The following NLRP4 variants were observed in gnomAD, a reference collection of about 807,000 sequenced individuals.
NLRP4 encodes NACHT, LRR and PYD domains-containing protein 4.
A neutral mutation model predicts 84.7 loss-of-function variants in NLRP4; 44 were observed. The observed-to-expected ratio is 0.52, with a 90% CI of 0.41 to 0.67. The LOEUF is 0.67. NLRP4 is among the 30% of genes least tolerant of loss of function. The pLI is 0.00. For synonymous variants in NLRP4, 544 were observed against 476.4 expected (o/e 1.14, Z -1.85); for missense variants, 1,260 against 1,219.4 (o/e 1.03, Z -0.50).
chr19:55,873,033 T>C (rs1000109631), intron 7 of NLRP4, among the ~76,000 whole-genome samples: 3 of 152,144 alleles, frequency 2.0e-5, no homozygotes, highest in Admixed American at 6.6e-5. Flanking sequence ...GAGGGTGGAT[T>C]GTCAACCTAG....
Position 55,878,796 on chromosome 19 carries a change from T to A in NLRP4, c.2699T>A (p.Leu900Ter). 1 of 1,610,592 alleles carries A rather than the reference T, an allele frequency of 6.2e-7. No homozygotes were observed. The highest frequency in any genetic ancestry group is 8.5e-7 in the Non-Finnish European group (1 of 1,177,668). The change falls in exon 9 of 10, where the codon TTG becomes TAG. Residue 900 changes from leucine (L) to a stop codon, truncating the protein, a stop_gained and splice_region_variant. Transcript: ENST00000301295. LOFTEE classifies it high-confidence loss of function. The stretch of plus-strand genomic sequence containing the variant: ...TACCATGTGTCTTTTTATTGCAGGT[T>A]GGAAGAATGTGGGTTAACGAGCACC... ...HTDCRLEILGLEECGLTSTCC... is the reference protein window; with the variant it reads ...HTDCRLEILG
chr19:55,876,286 G>A (rs933776607), intron 7 of NLRP4, among the ~76,000 whole-genome samples: 1 of 152,124 alleles, frequency 6.6e-6, no homozygotes, highest in South Asian at 2.1e-4. Flanking sequence ...TCCATAGGAG[G>A]TTGGCTACAG....
intron 1 of NLRP4, among the ~76,000 whole-genome samples, chr19:55,848,467 G>A (rs1292909475): frequency 6.6e-6 from 1 of 151,900 alleles, no homozygotes; most frequent in East Asian, 1.9e-4. Flanking sequence ...GCAGTGGCAC[G>A]ATCTCGGCTC....
Position 55,858,968 on chromosome 19 carries a change from A to G in NLRP4, c.1575A>G (p.Gln525=). 6.2e-7 allele frequency: 1 copy of G among 1,614,220 alleles called. No individual in the cohort carries two copies. Among genetic ancestry groups the G allele is most frequent in the East Asian group, 2.2e-5 (1 of 44,880 alleles). Residue 525 remains glutamine (Q), a synonymous_variant, in exon 3 of 10, where the codon CAA becomes CAG. Coordinates refer to ENST00000301295, the MANE Select transcript of NLRP4 (RefSeq NM_134444.5). The surrounding 1 kb of genome is among the most constrained non-coding windows in gnomAD (Gnocchi z 4.2). ...LDAFFGFQLS[Q]EIKQQIHQCL... ...CGTTTTTTGGCTTCCAACTGTCCCA[A>G]GAGATAAAGCAGCAAATTCACCAGT...
intron 9 of NLRP4, 99 bp downstream of exon 9, chr19:55,879,063 A>G (rs1165946320): frequency 1.3e-5 from 12 of 917,824 alleles, no homozygotes; most frequent in Non-Finnish European, 1.8e-5. Context: ...TAAAATGCAA[A>G]TGATGTTCCT....
At position 55,851,472 on chromosome 19, in the gene NLRP4, A is replaced by T. The variant is rs370758836; in HGVS notation, c.-65-544A>T. 1.3e-3 allele frequency among the ~76,000 whole-genome samples: 28 copies of T among 22,162 alleles called. 1 individual carries two copies. Among genetic ancestry groups the T allele is most frequent in the African/African-American group, 4.7e-3 (4 of 848 alleles). 14.5% of individuals were successfully genotyped at this position (22,162 alleles called of 152,430 possible). ...GTCCGTGGCTGCGGTGTAATGTCCG[A>T]GGCTGCGGTGTAATGTCCGTGGCTG... is the stretch of plus-strand genomic sequence containing the variant. On this transcript the variant is annotated intron_variant, in intron 1 of 9. Coordinates refer to ENST00000301295, the MANE Select transcript of NLRP4 (RefSeq NM_134444.5).
At chr19:55,864,914 C>G (rs1436529976) in intron 5 of NLRP4, among the ~76,000 whole-genome samples, 1 of 152,108 alleles carries the variant, frequency 6.6e-6, no homozygotes, top group Non-Finnish European at 1.5e-5. Flanking sequence ...GTCCTTCACA[C>G]ATTTTTAAAA....
chr19:55,845,305 C>G (rs1483156224), intron 1 of NLRP4, among the ~76,000 whole-genome samples: 1 of 151,402 alleles, frequency 6.6e-6, no homozygotes, highest in Non-Finnish European at 1.5e-5. Flanking sequence ...CAATAGTTTG[C>G]TGAGAATGAT....
intron 2 of NLRP4, among the ~76,000 whole-genome samples, chr19:55,855,284 A>C (rs1600227698): frequency 6.6e-6 from 1 of 152,230 alleles, no homozygotes; most frequent in Admixed American, 6.5e-5. Flanking sequence ...AATAAAATGT[A>C]AGCAGGTCTA....
At chr19:55,850,867 TTA>T (rs1984091965) in intron 1 of NLRP4, among the ~76,000 whole-genome samples, 2 of 29,054 alleles carry the variant, frequency 6.9e-5, no homozygotes, top group Non-Finnish European at 1.0e-4. Context: ...GCGGTGTAAT[TTA>T]CGAGGCTGCG....
At chr19:55,849,910 C>T (rs1292480583) in intron 1 of NLRP4, among the ~76,000 whole-genome samples, 1 of 129,610 alleles carries the variant, frequency 7.7e-6, no homozygotes, top group East Asian at 2.2e-4. Flanking sequence ...GTGTAATTTC[C>T]GTAGCCGCGG....
In NLRP4 at chr19:55,849,776, G is replaced by A. The variant is rs572101766; in HGVS notation, c.-65-2240G>A. Among the ~76,000 whole-genome samples, 2 of 145,368 alleles carry A rather than the reference G, an allele frequency of 1.4e-5. 1 individual carries two copies. Among genetic ancestry groups the A allele is most frequent in the African/African-American group, 5.5e-5 (2 of 36,386 alleles). ...AAGTAAAAATGTAATTTCTGTAGCT[G>A]CGGTGTAATTTCCAAAGCTGCGGTG... On this transcript the variant is annotated intron_variant, in intron 1 of 9. Coordinates refer to ENST00000301295, the MANE Select transcript of NLRP4 (RefSeq NM_134444.5).
intron 5 of NLRP4, among the ~76,000 whole-genome samples, chr19:55,866,330 C>G (rs1009910091): frequency 6.6e-6 from 1 of 152,204 alleles, no homozygotes; most frequent in African/African-American, 2.4e-5. Flanking sequence ...CCACGCCCGG[C>G]CGCACCAACC....
chr19:55,876,786 T>C (rs139013769), intron 7 of NLRP4, among the ~76,000 whole-genome samples: 11 of 152,214 alleles, frequency 7.2e-5, no homozygotes, highest in South Asian at 2.1e-4. Flanking sequence ...TATTGGTTTT[T>C]TCGTTTGTAT....
At chr19:55,871,111 A>G in intron 7 of NLRP4, 114 bp downstream of exon 7, 1 of 859,232 alleles carries the variant, frequency 1.2e-6, no homozygotes, top group East Asian at 2.6e-5. Flanking sequence ...TGGGCATGTG[A>G]AGGTTTAAAA....
At position 55,858,972 on chromosome 19, in the gene NLRP4, A is replaced by G. The variant is rs1360859639; in HGVS notation, c.1579A>G (p.Ile527Val). Reference protein sequence around the residue: ...AFFGFQLSQEIKQQIHQCLKS... With the variant: ...AFFGFQLSQEVKQQIHQCLKS... ...TTTTGGCTTCCAACTGTCCCAAGAG[A>G]TAAAGCAGCAAATTCACCAGTGCCT... Residue 527 changes from isoleucine (I) to valine (V), a missense_variant, in exon 3 of 10, where the codon ATA becomes GTA. Around this residue, in one of 3 missense-constraint regions of NLRP4, gnomAD observed 712 missense variants for 669.2 expected, o/e 1.06. Coordinates refer to ENST00000301295, the MANE Select transcript of NLRP4 (RefSeq NM_134444.5). This position sits in a 1 kb window ranked among gnomAD's most constrained non-coding sequence, Gnocchi z 4.2. 3.7e-6 allele frequency: 6 copies of G among 1,614,062 alleles called. No individual in the cohort carries two copies. The African/African-American group carries it at 8.0e-5, about 22-fold the overall frequency.
In NLRP4 at chr19:55,879,657, C is replaced by T. The variant is rs536990416; in HGVS notation, c.2867+693C>T. 1.7e-3 allele frequency among the ~76,000 whole-genome samples: 257 copies of T among 152,288 alleles called. 1 individual carries two copies. The highest frequency in any genetic ancestry group is 5.8e-3 in the African/African-American group (243 of 41,558). On this transcript the variant is annotated intron_variant, in intron 9 of 9. Transcript: ENST00000301295. ...TCACTGGCGCAGCTGCTGGCATTCC[C>T]CCCATGCAATCTTCGCGCTCCCTTA...
chr19:55,875,235 A>C (rs1397257050), intron 7 of NLRP4, among the ~76,000 whole-genome samples: 1 of 152,234 alleles, frequency 6.6e-6, no homozygotes, highest in African/African-American at 2.4e-5. Context: ...AATCTTAGCA[A>C]ATGCTTCAAG....
intron 1 of NLRP4, among the ~76,000 whole-genome samples, chr19:55,849,982 GTAATTTCC>G (rs1225913058): frequency 3.2e-4 from 44 of 135,994 alleles, no homozygotes; most frequent in Non-Finnish European, 3.0e-4. Context: ...TAGCTGCGGT[GTAATTTCC>G]GAGACTGCGG....
Sources: allele counts gnomAD v4.1 joint callset (sites outside exome capture counted in the v4.1 genomes callset), GRCh38; gene constraint gnomAD v4.1.1; regional missense constraint gnomAD v4.1.1; non-coding constraint Gnocchi (gnomAD v3.1); transcripts MANE v1.5; gene names NCBI Gene and HGNC (gene_info 2026-07-23, HGNC 2026-07-21).